The following DTNB variants were observed in gnomAD, a reference collection of about 807,000 sequenced individuals.
DTNB encodes DTN-B.
A neutral mutation model predicts 90.7 loss-of-function variants in DTNB; 63 were observed. The observed-to-expected ratio is 0.69, with a 90% CI of 0.57 to 0.86. The LOEUF is 0.86. Ranked by LOEUF, DTNB falls within the 40% of genes least tolerant of loss-of-function variation. The pLI, the probability that DTNB is intolerant of heterozygous loss-of-function variation, is 0.00. For synonymous variants in DTNB, 277 were observed against 286.7 expected, an observed-to-expected ratio of 0.97 and a Z score of 0.34; for missense variants, 744 against 807.1, an observed-to-expected ratio of 0.92 and a Z score of 0.95.
chr2:25,415,903 A>G (rs1424049146), intron 16 of DTNB, among the ~76,000 whole-genome samples: 2 of 152,176 alleles, frequency 1.3e-5, no homozygotes, highest in African/African-American at 2.4e-5. Context: ...ATCACTAGTA[A>G]TAGTGAGTAA....
intron 16 of DTNB, among the ~76,000 whole-genome samples, chr2:25,414,748 T>G (rs1441563638): frequency 6.6e-6 from 1 of 152,148 alleles, no homozygotes; most frequent in Non-Finnish European, 1.5e-5. Flanking sequence ...TCAGCAAATA[T>G]TTATTGAGTA....
At chr2:25,617,543 T>C (rs1221193569) in intron 4 of DTNB, among the ~76,000 whole-genome samples, 1 of 152,160 alleles carries the variant, frequency 6.6e-6, no homozygotes, top group Non-Finnish European at 1.5e-5. Flanking sequence ...GAAATATTAA[T>C]ATAAACAAAA....
At chr2:25,589,253 G>C (rs2063035488) in intron 6 of DTNB, among the ~76,000 whole-genome samples, 1 of 151,596 alleles carries the variant, frequency 6.6e-6, no homozygotes, top group Non-Finnish European at 1.5e-5. Flanking sequence ...GCCCAATAAA[G>C]TGTTATCAAC....
chr2:25,564,547 A>T (rs2058729507), intron 8 of DTNB, among the ~76,000 whole-genome samples: 1 of 147,080 alleles, frequency 6.8e-6, no homozygotes, highest in Non-Finnish European at 1.5e-5. Context: ...CACCTGGCTA[A>T]TTTTTTTTTT....
At chr2:25,591,984 C>G (rs557990409) in intron 6 of DTNB, among the ~76,000 whole-genome samples, 2 of 144,736 alleles carry the variant, frequency 1.4e-5, no homozygotes, top group African/African-American at 5.2e-5. Context: ...TCGCTTGAAC[C>G]GGGGAGGCAG....
At chr2:25,606,739 A>G (rs1250527849) in intron 5 of DTNB, among the ~76,000 whole-genome samples, 3 of 152,178 alleles carry the variant, frequency 2.0e-5, no homozygotes, top group African/African-American at 7.2e-5. Flanking sequence ...AAAAATTAGC[A>G]AAGATAACAG....
intron 9 of DTNB, among the ~76,000 whole-genome samples, chr2:25,511,598 C>T (rs2073961649): frequency 6.6e-6 from 1 of 152,200 alleles, no homozygotes; most frequent in African/African-American, 2.4e-5. Context: ...TCCCAAAGTG[C>T]TGGGATTAGA....
intron 8 of DTNB, among the ~76,000 whole-genome samples, chr2:25,572,201 C>T (rs1181329850): frequency 6.6e-6 from 1 of 152,180 alleles, no homozygotes; most frequent in African/African-American, 2.4e-5. Flanking sequence ...GGCGCGGTGG[C>T]TCACGCCTGT....
At position 25,405,016 on chromosome 2, in the gene DTNB, T is replaced by C. The variant is rs145621035; in HGVS notation, c.1575+14499A>G. Reference sequence around the variant, plus strand: ...TGGAGTGCAGTGGCAAGATCATGGCTCACCACAGCCTTGACCTCCTGGGCT... The same window carrying C: ...TGGAGTGCAGTGGCAAGATCATGGCCCACCACAGCCTTGACCTCCTGGGCT... On this transcript the variant is annotated intron_variant, in intron 16 of 20. Transcript: ENST00000406818. Among the ~76,000 whole-genome samples, 873 of 152,222 alleles carry C rather than the reference T, an allele frequency of 5.7e-3. 12 individuals are homozygous for C. The highest frequency in any genetic ancestry group is 0.02 in the Middle Eastern group (6 of 294).
At chr2:25,556,440 G>A (rs2057371239) in intron 8 of DTNB, among the ~76,000 whole-genome samples, 1 of 151,866 alleles carries the variant, frequency 6.6e-6, no homozygotes, top group South Asian at 2.1e-4. Context: ...TTGCAAGTTG[G>A]CTGGGCATAA....
At chr2:25,521,744 A>C (rs1359835248) in intron 9 of DTNB, among the ~76,000 whole-genome samples, 1 of 152,202 alleles carries the variant, frequency 6.6e-6, no homozygotes, top group African/African-American at 2.4e-5. Context: ...CACTTTACAA[A>C]ATATTCTTAT....
chr2:25,594,646 AT>A (rs1031065213), intron 6 of DTNB, among the ~76,000 whole-genome samples: 23 of 152,344 alleles, frequency 1.5e-4, no homozygotes, highest in African/African-American at 5.3e-4. Context: ...AAACTTTTAG[AT>A]GTGTTCCTTT....
intron 3 of DTNB, among the ~76,000 whole-genome samples, chr2:25,632,465 A>T (rs2075987896): frequency 6.6e-6 from 1 of 152,170 alleles, no homozygotes; most frequent in Admixed American, 6.6e-5. Flanking sequence ...TCTAATCCCC[A>T]GTGTGGCAGT....
In DTNB at chr2:25,631,548, G is replaced by A. The variant is rs76942679; in HGVS notation, c.149-3164C>T. Among the ~76,000 whole-genome samples the A allele has an allele frequency of 1.7e-3, 256 of 149,882 alleles. 1 individual carries two copies. The highest frequency in any genetic ancestry group is 6.1e-3 in the African/African-American group (248 of 40,660). On this transcript the variant is annotated intron_variant, in intron 3 of 20. Coordinates refer to ENST00000406818, the MANE Select transcript of DTNB (RefSeq NM_021907.5). ...TGATTGTGTCACTGCACTTCAACCTGAGTGACGAAGTGAGACCCTGTGGTC... is the reference window on the plus strand; with the variant it reads ...TGATTGTGTCACTGCACTTCAACCTAAGTGACGAAGTGAGACCCTGTGGTC...
intron 5 of DTNB, among the ~76,000 whole-genome samples, chr2:25,605,811 T>C (rs1162357907): frequency 3.3e-5 from 5 of 152,216 alleles, no homozygotes; most frequent in Admixed American, 2.0e-4. Context: ...CTTTCATACA[T>C]ATTATCTTCC....
intron 1 of DTNB, among the ~76,000 whole-genome samples, chr2:25,654,726 A>G (rs1221822760): frequency 6.6e-6 from 1 of 152,252 alleles, no homozygotes; most frequent in Non-Finnish European, 1.5e-5. Context: ...GCAATGTGGA[A>G]TAACAAAAGA....
intron 10 of DTNB, 90 bp from the exon 11 acceptor site, chr2:25,455,584 G>A: frequency 1.8e-5 from 20 of 1,091,710 alleles, no homozygotes; most frequent in South Asian, 4.7e-5. Flanking sequence ...AAACTTCAAA[G>A]AAAAATTTAA....
At chr2:25,478,002 T>C (rs1290305339) in intron 10 of DTNB, among the ~76,000 whole-genome samples, 1 of 128,558 alleles carries the variant, frequency 7.8e-6, no homozygotes, top group East Asian at 2.3e-4. Flanking sequence ...TCTTTGTTCT[T>C]GTGAGTTTTT....
At chr2:25,507,083 T>C (rs2072642253) in intron 9 of DTNB, among the ~76,000 whole-genome samples, 1 of 152,248 alleles carries the variant, frequency 6.6e-6, no homozygotes, top group Admixed American at 6.5e-5. Context: ...TAACATGGTT[T>C]GATCCTTACA....
Sources: gnomAD v4.1 joint callset for allele counts (sites outside exome capture counted in the v4.1 genomes callset) on GRCh38, gnomAD v4.1.1 for gene constraint, MANE v1.5 for transcripts, NCBI Gene and HGNC (gene_info 2026-07-23, HGNC 2026-07-21) for gene names.